The following DDAH1 variants were observed in gnomAD, a reference collection of about 807,000 sequenced individuals.
DDAH1 encodes dimethylarginine dimethylaminohydrolase 1, also known as N(G),N(G)-dimethylarginine dimethylaminohydrolase 1.
A neutral mutation model predicts 28.8 loss-of-function variants in DDAH1; 19 were observed. The observed-to-expected ratio is 0.66, with a 90% CI of 0.46 to 0.97. DDAH1 has a LOEUF of 0.97. Among genes scored for constraint, DDAH1 ranks in the 50% least tolerant of loss-of-function variants. The pLI, the probability that DDAH1 is intolerant of heterozygous loss-of-function variation, is 0.00. For synonymous variants in DDAH1, 153 were observed against 154.4 expected (o/e 0.99, Z 0.07); for missense variants, 326 against 375.9 (o/e 0.87, Z 1.10).
intron 4 of DDAH1, among the ~76,000 whole-genome samples, chr1:85,347,312 C>T (rs1250637811): frequency 1.3e-5 from 2 of 152,332 alleles, no homozygotes; most frequent in East Asian, 3.9e-4. Context: ...AAGACACATG[C>T]ACACGTATGT....
intron 1 of DDAH1, among the ~76,000 whole-genome samples, chr1:85,571,946 C>A (rs1659468728): frequency 1.3e-5 from 2 of 152,174 alleles, no homozygotes; most frequent in African/African-American, 4.8e-5. Flanking sequence ...TGCTCAGGGA[C>A]ACCTTGCGTA....
intron 1 of DDAH1, among the ~76,000 whole-genome samples, chr1:85,514,316 T>G: frequency 6.6e-6 from 1 of 152,080 alleles, no homozygotes; most frequent in Non-Finnish European, 1.5e-5. Flanking sequence ...TTCTCACTCA[T>G]AGGTGGGAAT....
chr1:85,429,841 C>G (rs1217440574), intron 1 of DDAH1, among the ~76,000 whole-genome samples: 1 of 152,140 alleles, frequency 6.6e-6, no homozygotes, highest in Non-Finnish European at 1.5e-5. Flanking sequence ...CTTTTACCCA[C>G]TTTTTGATGG....
At chr1:85,473,431 A>G (rs1310505891) in intron 2 of DDAH1, among the ~76,000 whole-genome samples, 1 of 152,192 alleles carries the variant, frequency 6.6e-6, no homozygotes. Context: ...TAAATGTAGA[A>G]GAAAAGAAAA....
At chr1:85,433,163 C>G (rs1570536914) in intron 1 of DDAH1, among the ~76,000 whole-genome samples, 1 of 152,020 alleles carries the variant, frequency 6.6e-6, no homozygotes, top group Non-Finnish European at 1.5e-5. Context: ...TTAAGGTCCT[C>G]TATGTGCCAC....
chr1:85,575,005 C>T (rs188057688), intron 1 of DDAH1, among the ~76,000 whole-genome samples: 31 of 152,088 alleles, frequency 2.0e-4, no homozygotes, highest in African/African-American at 6.5e-4. Flanking sequence ...TTGGGGAGGC[C>T]GAGATGGGCA....
At chr1:85,350,807 T>A (rs1449763861) in intron 3 of DDAH1, among the ~76,000 whole-genome samples, 1 of 152,162 alleles carries the variant, frequency 6.6e-6, no homozygotes, top group Non-Finnish European at 1.5e-5. Flanking sequence ...TATTTGAATA[T>A]CCTGTGTAAA....
At chr1:85,466,073 C>T (rs61783058), upstream of DDAH1, among the ~76,000 whole-genome samples, 12,050 of 152,222 alleles carry the variant, frequency 0.079, 519 homozygotes, top group Middle Eastern at 0.12. Context: ...GAACTCTGAT[C>T]CCAGCTTTTA....
chr1:85,572,448 G>C (rs542871063), intron 1 of DDAH1, among the ~76,000 whole-genome samples: 65 of 152,236 alleles, frequency 4.3e-4, no homozygotes, highest in African/African-American at 1.4e-3. Flanking sequence ...CAGGTATTCT[G>C]CTCTACCTTA....
intron 1 of DDAH1, among the ~76,000 whole-genome samples, chr1:85,461,367 G>A (rs1655118590): frequency 6.6e-6 from 1 of 152,108 alleles, no homozygotes; most frequent in African/African-American, 2.4e-5. Flanking sequence ...GCCCCATTCA[G>A]GCAAACACTG....
At chr1:85,425,628 A>G (rs1212761818) in intron 1 of DDAH1, among the ~76,000 whole-genome samples, 1 of 152,202 alleles carries the variant, frequency 6.6e-6, no homozygotes, top group Non-Finnish European at 1.5e-5. Context: ...TTTCTTTGCA[A>G]GAACTTAAAT....
intron 1 of DDAH1, among the ~76,000 whole-genome samples, chr1:85,400,464 A>G (rs2892888): frequency 0.65 from 98,994 of 151,782 alleles, 32,376 homozygotes; most frequent in East Asian, 0.71. Flanking sequence ...TGGGCTTCCC[A>G]AAGTGCTGGG....
chr1:85,527,452 G>A (rs1302187561), intron 1 of DDAH1, among the ~76,000 whole-genome samples: 1 of 152,210 alleles, frequency 6.6e-6, no homozygotes, highest in Non-Finnish European at 1.5e-5. Flanking sequence ...AGCCTTTATG[G>A]TTCATGATGA....
intron 1 of DDAH1, among the ~76,000 whole-genome samples, chr1:85,457,957 G>A (rs1654967670): frequency 6.6e-6 from 1 of 152,138 alleles, no homozygotes; most frequent in Non-Finnish European, 1.5e-5. Flanking sequence ...CCAAAGTGCT[G>A]GGATTACAGG....
chr1:85,526,288 A>G (rs1310364705), intron 1 of DDAH1, among the ~76,000 whole-genome samples: 1 of 152,146 alleles, frequency 6.6e-6, no homozygotes, highest in Non-Finnish European at 1.5e-5. Flanking sequence ...CTCTAATACT[A>G]TATGTTTGCA....
chr1:85,576,663 C>G (rs1488799052), intron 1 of DDAH1: 1 of 152,400 alleles, frequency 6.6e-6, no homozygotes, highest in Admixed American at 6.5e-5. Context: ...GCACCCTCTA[C>G]GTCTGGCACA....
intron 1 of DDAH1, among the ~76,000 whole-genome samples, chr1:85,440,416 C>T (rs1448289906): frequency 6.6e-6 from 1 of 152,122 alleles, no homozygotes; most frequent in Non-Finnish European, 1.5e-5. Context: ...AACTGATGTG[C>T]AAGACCCACT....
At chr1:85,483,392 T>C (rs1482868190) in intron 2 of DDAH1, among the ~76,000 whole-genome samples, 2 of 152,104 alleles carry the variant, frequency 1.3e-5, no homozygotes, top group African/African-American at 4.8e-5. Flanking sequence ...ATCAAGACCC[T>C]CATCTACAGA....
chr1:85,562,759 A>T (rs981576065), intron 1 of DDAH1, among the ~76,000 whole-genome samples: 1 of 152,198 alleles, frequency 6.6e-6, no homozygotes, highest in Non-Finnish European at 1.5e-5. Context: ...GGCCCTGCTA[A>T]CACCTTGATT....
Sources: gnomAD v4.1 joint callset for allele counts (sites outside exome capture counted in the v4.1 genomes callset) on GRCh38, gnomAD v4.1.1 for gene constraint, MANE v1.5 for transcripts, NCBI Gene and HGNC (gene_info 2026-07-23, HGNC 2026-07-21) for gene names.